The following DHX9 variants were observed in gnomAD, a reference collection of about 807,000 sequenced individuals.
DHX9 encodes ATP-dependent RNA helicase A.
DHX9 carries 27 observed loss-of-function variants against 148.7 expected under a neutral mutation model. The observed-to-expected ratio is 0.18, with a 90% CI of 0.13 to 0.25. The LOEUF is 0.25. Among genes scored for constraint, DHX9 ranks in the 10% least tolerant of loss-of-function variants. DHX9 has a pLI of 1.00. For missense variants in DHX9, 796 were observed against 1,559.6 expected, an observed-to-expected ratio of 0.51 and a Z score of 8.25; for synonymous variants, 529 against 516.6, an observed-to-expected ratio of 1.02 and a Z score of -0.33.
chr1:182,879,626 AAAAG>A (rs1347788632), intron 21 of DHX9, among the ~76,000 whole-genome samples: 1 of 152,248 alleles, frequency 6.6e-6, no homozygotes, highest in African/African-American at 2.4e-5. Context: ...GAGTCTTTAA[AAAAG>A]AAAAGAAAAC....
intron 3 of DHX9, among the ~76,000 whole-genome samples, chr1:182,843,880 C>T (rs1419693817): frequency 6.6e-6 from 1 of 152,208 alleles, no homozygotes; most frequent in Non-Finnish European, 1.5e-5. Flanking sequence ...TCACTGCAGC[C>T]TCAAACTCTT....
At chr1:182,871,870 TGGCTC>T (rs1338117420) in intron 14 of DHX9, among the ~76,000 whole-genome samples, 11 of 152,242 alleles carry the variant, frequency 7.2e-5, no homozygotes, top group African/African-American at 1.7e-4. Context: ...CTGGCCAACA[TGGCTC>T]GGCTCACTGC....
chr1:182,864,171 T>C (rs984393214), intron 12 of DHX9, among the ~76,000 whole-genome samples: 1 of 152,154 alleles, frequency 6.6e-6, no homozygotes, highest in Non-Finnish European at 1.5e-5. Context: ...CACTGCAACC[T>C]CAAACTCCTG....
At chr1:182,871,662 T>G (rs1648558136) in intron 14 of DHX9, among the ~76,000 whole-genome samples, 1 of 152,214 alleles carries the variant, frequency 6.6e-6, no homozygotes, top group Non-Finnish European at 1.5e-5. Flanking sequence ...AACTGATATA[T>G]TCATACACTG....
chr1:182,843,255 C>A (rs777839994), intron 2 of DHX9, 39 bp from the exon 3 acceptor site: 9 of 1,495,266 alleles, frequency 6.0e-6, no homozygotes, highest in Non-Finnish European at 8.0e-6. Context: ...CTCAGAATTA[C>A]CCAGGTCAGT....
At chr1:182,874,741 A>C in intron 15 of DHX9, 113 bp from the exon 16 acceptor site, 2 of 794,880 alleles carry the variant, frequency 2.5e-6, no homozygotes, top group Admixed American at 4.4e-5. Context: ...TTTGTGAAGA[A>C]TCAGACTAGA....
chr1:182,883,979 A>G (rs1215578777), intron 26 of DHX9, among the ~76,000 whole-genome samples: 2 of 152,190 alleles, frequency 1.3e-5, no homozygotes, highest in Non-Finnish European at 2.9e-5. Context: ...GAAAACCTAG[A>G]AAATGCCAGT....
chr1:182,852,080 A>G (rs1668160774), intron 3 of DHX9, among the ~76,000 whole-genome samples, 153 bp from the exon 4 acceptor site: 1 of 152,194 alleles, frequency 6.6e-6, no homozygotes, highest in Non-Finnish European at 1.5e-5. Context: ...ACATTTTGAG[A>G]TGCACTGCTC....
chr1:182,852,261 C>T lies in DHX9; in HGVS notation c.281C>T (p.Thr94Ile), dbSNP rs760788015. 2 of 1,612,454 alleles carry T rather than the reference C, an allele frequency of 1.2e-6. No individual in the cohort carries two copies. The highest frequency in any genetic ancestry group is 1.7e-6 in the Non-Finnish European group (2 of 1,179,382). ...GVASPPPLTD[T>I]PDTTANAEGD... ...GCATCTCCGCCCCCACTTACTGATA[C>T]TCCTGACACTACAGCAAATGCTGAA... is the stretch of plus-strand genomic sequence containing the variant. Residue 94 changes from threonine (T) to isoleucine (I), a missense_variant, in exon 4 of 28, where the codon ACT (threonine) becomes ATT (isoleucine). Physicochemically the swap from Thr to Ile is moderately conservative, Grantham distance 89 (BLOSUM62 -1). Coordinates refer to ENST00000367549, the MANE Select transcript of DHX9 (RefSeq NM_001357.5).
chr1:182,856,771 A>T (rs1668258427), intron 7 of DHX9, among the ~76,000 whole-genome samples, 193 bp downstream of exon 7: 1 of 152,228 alleles, frequency 6.6e-6, no homozygotes, highest in Non-Finnish European at 1.5e-5. Flanking sequence ...TTGCATGTGA[A>T]AACAGACCAT....
In DHX9 at chr1:182,866,882, T is replaced by C. The variant is rs529831135; in HGVS notation, c.1475-79T>C. On this transcript the variant is annotated intron_variant, in intron 13 of 27. Coordinates refer to ENST00000367549, the MANE Select transcript of DHX9 (RefSeq NM_001357.5). ...TTTCTAAAATGATGCTGGGGTCTCT[T>C]AGTTGAAATATAGATAATTGTCCAT... 3 of 1,084,378 alleles carry C rather than the reference T, an allele frequency of 2.8e-6. No homozygotes were observed. In the South Asian group the frequency reaches 4.5e-5, roughly 16 times the overall value. The allele number at this position is 1,084,378 out of a possible 1,614,324, so 67.2% of individuals were successfully genotyped here. A position where few individuals can be genotyped will look rare whatever the true frequency, so the allele number is the denominator to read the frequency against.
chr1:182,842,054 A>G (rs1334552550), intron 1 of DHX9, among the ~76,000 whole-genome samples: 1 of 152,180 alleles, frequency 6.6e-6, no homozygotes, highest in African/African-American at 2.4e-5. Flanking sequence ...AACTTTCTTA[A>G]TATATAGTAG....
chr1:182,859,101 A>G lies in DHX9; in HGVS notation c.1124A>G (p.Asp375Gly). ...GAATTGATGTACCAGTTGGAACAGG[A>G]TCATGATTTGCAAGCAGTAAGTCTG... ...KNELMYQLEQDHDLQAILQER... is the reference protein window; with the variant it reads ...KNELMYQLEQGHDLQAILQER... The change falls in exon 11 of 28, where the codon GAT becomes GGT. Residue 375 changes from aspartate (D) to glycine (G), a missense_variant. By Grantham distance (94) the Asp-to-Gly change is moderately conservative (BLOSUM62 -1). Around this residue, in one of 14 missense-constraint regions of DHX9, gnomAD observed 42 missense variants for 27.1 expected, o/e 1.55. Transcript: ENST00000367549. The G allele has an allele frequency of 6.2e-7, 1 of 1,614,060 alleles. No homozygotes were observed. The highest frequency in any genetic ancestry group is 8.5e-7 in the Non-Finnish European group (1 of 1,179,956).
intron 3 of DHX9, among the ~76,000 whole-genome samples, chr1:182,847,263 CTT>C (rs1443606882): frequency 2.0e-5 from 3 of 152,140 alleles, no homozygotes; most frequent in Non-Finnish European, 4.4e-5. Flanking sequence ...ACATTTTCCT[CTT>C]TGTGTATCAA....
chr1:182,877,506 A>G (rs1648864200), intron 19 of DHX9: 1 of 153,546 alleles, frequency 6.5e-6, no homozygotes, highest in Non-Finnish European at 1.4e-5. Flanking sequence ...CCATTTTAGG[A>G]AATGATGAAT....
At chr1:182,878,323 C>A (rs1648916230) in intron 20 of DHX9, 150 bp downstream of exon 20, 2 of 859,454 alleles carry the variant, frequency 2.3e-6, no homozygotes, top group East Asian at 2.7e-5. Flanking sequence ...TAAGAATCTT[C>A]ATCACAAATC....
intron 6 of DHX9, 89 bp from the exon 7 acceptor site, chr1:182,856,443 C>T (rs2102598716): frequency 9.5e-7 from 1 of 1,051,144 alleles, no homozygotes; most frequent in South Asian, 1.3e-5. Flanking sequence ...TTTGCCTAAG[C>T]AGTTGGAAAG....
intron 3 of DHX9, among the ~76,000 whole-genome samples, chr1:182,843,886 C>T (rs1036642982): frequency 6.6e-6 from 1 of 152,214 alleles, no homozygotes; most frequent in Admixed American, 6.5e-5. Flanking sequence ...CAGCCTCAAA[C>T]TCTTGGGCTC....
At position 182,874,960 on chromosome 1, in the gene DHX9, T is replaced by G; in HGVS notation, c.1815+6T>G. 2 of 1,603,474 alleles carry G rather than the reference T, an allele frequency of 1.2e-6. No homozygotes were observed. The highest frequency in any genetic ancestry group is 1.7e-6 in the Non-Finnish European group (2 of 1,170,764). On this transcript the variant is annotated splice_donor_region_variant and intron_variant, in intron 16 of 27. Transcript: ENST00000367549. ...ATGGTGGTGAGGATGATGATGTAAG[T>G]GAATTTCATGAAGAATTTCCATTAT...
Sources: allele counts gnomAD v4.1 joint callset (sites outside exome capture counted in the v4.1 genomes callset), GRCh38; gene constraint gnomAD v4.1.1; regional missense constraint gnomAD v4.1.1; transcripts MANE v1.5; gene names NCBI Gene and HGNC (gene_info 2026-07-23, HGNC 2026-07-21).